Variants in SGSM3 observed in about 807,000 individuals in gnomAD.
SGSM3 encodes small G protein signaling modulator 3, also known as RUN and SH3 containing 3.
In SGSM3, 96 loss-of-function variants were observed where a neutral mutation model predicts 100.5. The observed-to-expected ratio is 0.96, with a 90% confidence interval of 0.81 to 1.13. The LOEUF is 1.13. Ranked by LOEUF, SGSM3 falls within the 50% of genes most tolerant of loss-of-function variation. The pLI is 0.00. For synonymous variants in SGSM3, 483 were observed against 422.8 expected (o/e 1.14, Z -1.75); for missense variants, 1,001 against 1,015.8 (o/e 0.99, Z 0.20).
intron 3 of SGSM3, 115 bp from the exon 4 acceptor site, chr22:40,402,024 C>G: frequency 1.3e-6 from 1 of 786,174 alleles, no homozygotes; most frequent in Non-Finnish European, 2.2e-6. Context: ...AGCCTTTGAT[C>G]TGAGCCCGAA....
At position 40,407,940 on chromosome 22, in the gene SGSM3, A is replaced by C; in HGVS notation, c.1579+97A>C. On this transcript the variant is annotated intron_variant, in intron 14 of 21. Transcript: ENST00000248929. This position sits in a 1 kb window ranked among gnomAD's most constrained non-coding sequence, Gnocchi z 4.7. ...GGCCGCCACCAAGCTGTTCTCCTCT[A>C]TACACCTGCCTGGCTTGAGGTCCCT... The C allele has an allele frequency of 6.9e-7, 1 of 1,457,368 alleles. No individual in the cohort carries two copies. Among genetic ancestry groups the C allele is most frequent in the Non-Finnish European group, 9.4e-7 (1 of 1,059,770 alleles). 90.3% of individuals were successfully genotyped at this position (1,457,368 alleles called of 1,614,324 possible).
chr22:40,396,073 C>A (rs570446238), intron 1 of SGSM3, among the ~76,000 whole-genome samples: 2 of 152,128 alleles, frequency 1.3e-5, no homozygotes, highest in South Asian at 2.1e-4. Context: ...ATATTTTTTC[C>A]TTTTCTAAAA....
At chr22:40,403,141 A>C (rs2050975995) in intron 4 of SGSM3, among the ~76,000 whole-genome samples, 1 of 152,236 alleles carries the variant, frequency 6.6e-6, no homozygotes, top group Non-Finnish European at 1.5e-5. Flanking sequence ...TGGAACTGAG[A>C]CTGCTTGATG....
rs1199124543 is a variant in SGSM3 at position 40,409,377 on chromosome 22, G to T, written c.2111+5G>T. 2 of 1,593,986 alleles carry T rather than the reference G, an allele frequency of 1.3e-6. No individual in the cohort carries two copies. Among genetic ancestry groups the T allele is most frequent in the Non-Finnish European group, 1.7e-6 (2 of 1,168,832 alleles). On this transcript the variant is annotated splice_donor_5th_base_variant and intron_variant, in intron 20 of 21. Transcript: ENST00000248929. ...CCAGATCAAGTGTGAGCTCCGGTGA[G>T]GACCTTACTGGGCTTGGGGGATGGA...
intron 1 of SGSM3, among the ~76,000 whole-genome samples, chr22:40,382,392 T>C (rs907149348): frequency 7.9e-5 from 12 of 152,258 alleles, no homozygotes; most frequent in Admixed American, 7.2e-4. Context: ...TAGGTGGGAC[T>C]GGAGTCATGT....
chr22:40,391,670 G>A (rs771357601), intron 1 of SGSM3, among the ~76,000 whole-genome samples: 1 of 152,168 alleles, frequency 6.6e-6, no homozygotes, highest in Non-Finnish European at 1.5e-5. Flanking sequence ...AGAGTCCAGA[G>A]CTTCCTTTGC....
intron 1 of SGSM3, among the ~76,000 whole-genome samples, chr22:40,383,691 A>G (rs1397804491): frequency 6.6e-6 from 1 of 152,170 alleles, no homozygotes; most frequent in Admixed American, 6.6e-5. Flanking sequence ...CTTAGGGTAC[A>G]TGAAGGGAAA....
chr22:40,375,192 T>G (rs2046346850), intron 1 of SGSM3, among the ~76,000 whole-genome samples: 2 of 152,198 alleles, frequency 1.3e-5, no homozygotes, highest in African/African-American at 4.8e-5. Context: ...TTTGTATTTG[T>G]TTTTCTCTCT....
At chr22:40,381,271 C>A (rs1049062843) in intron 1 of SGSM3, among the ~76,000 whole-genome samples, 1 of 151,992 alleles carries the variant, frequency 6.6e-6, no homozygotes, top group African/African-American at 2.4e-5. Context: ...CCTGAGCCTC[C>A]CAAGTAGCTG....
intron 1 of SGSM3, among the ~76,000 whole-genome samples, chr22:40,389,743 A>G (rs1183960973): frequency 2.0e-5 from 3 of 151,658 alleles, no homozygotes; most frequent in African/African-American, 7.3e-5. Flanking sequence ...CGTCTCTACT[A>G]AAAATACAAA....
chr22:40,409,507 G>A lies in SGSM3; in HGVS notation c.2154G>A (p.Glu718=), dbSNP rs1312239870. The A allele has an allele frequency of 1.9e-6, 3 of 1,595,528 alleles. No individual in the cohort carries two copies. The highest frequency in any genetic ancestry group is 1.1e-5 in the South Asian group (1 of 89,534). The change falls in exon 21 of 22, where the codon GAG becomes GAA. Residue 718 remains glutamate (E), a synonymous_variant. Coordinates refer to ENST00000248929, the MANE Select transcript of SGSM3 (RefSeq NM_015705.6). Reference sequence around the variant, plus strand: ...CCTTCAGCCTCTCCCAGGACTGGGAGCTCCCTGCGAAGAGAGAGGTGGGTG... The same window carrying A: ...CCTTCAGCCTCTCCCAGGACTGGGAACTCCCTGCGAAGAGAGAGGTGGGTG... ...CFAFSLSQDW[E]LPAKREAQQP... is the part of the protein sequence containing the mutation.
intron 2 of SGSM3, among the ~76,000 whole-genome samples, chr22:40,401,076 T>C (rs1349321828): frequency 6.6e-6 from 1 of 152,188 alleles, no homozygotes; most frequent in Non-Finnish European, 1.5e-5. Context: ...GGTCATGTTT[T>C]GTAATGTGCT....
At position 40,408,624 on chromosome 22, in the gene SGSM3, C is replaced by A. The variant is rs2052038769; in HGVS notation, c.1783-3C>A. Reference sequence around the variant, plus strand: ...GCACTCACACCGTGTGCTGTCCCCACAGGCTGCAGGCCGGGAGGTCGAGAG... The same window carrying A: ...GCACTCACACCGTGTGCTGTCCCCAAAGGCTGCAGGCCGGGAGGTCGAGAG... On this transcript the variant is annotated splice_polypyrimidine_tract_variant and splice_region_variant and intron_variant, in intron 16 of 21. Coordinates refer to ENST00000248929, the MANE Select transcript of SGSM3 (RefSeq NM_015705.6). 6.2e-7 allele frequency: 1 copy of A among 1,613,842 alleles called. No homozygotes were observed. Among genetic ancestry groups the A allele is most frequent in the Admixed American group, 1.7e-5 (1 of 60,006 alleles).
chr22:40,392,527 G>A (rs963004119), intron 1 of SGSM3, among the ~76,000 whole-genome samples: 1 of 152,128 alleles, frequency 6.6e-6, no homozygotes, highest in African/African-American at 2.4e-5. Flanking sequence ...AAGGTGGTGA[G>A]TAGTAGCAGC....
At chr22:40,409,424 TG>T (rs757655096) in intron 20 of SGSM3, 40 bp from the exon 21 acceptor site, 3 of 1,567,558 alleles carry the variant, frequency 1.9e-6, no homozygotes, top group African/African-American at 1.4e-5. Context: ...AAGGGCTAGC[TG>T]GGGGTGACAA....
intron 1 of SGSM3, among the ~76,000 whole-genome samples, chr22:40,383,041 C>T (rs1267073672): frequency 1.3e-5 from 2 of 152,108 alleles, no homozygotes; most frequent in African/African-American, 4.8e-5. Flanking sequence ...TTAAATATCT[C>T]ATGAAACAGG....
chr22:40,371,683 T>A (rs2045512757), intron 1 of SGSM3, among the ~76,000 whole-genome samples: 1 of 152,144 alleles, frequency 6.6e-6, no homozygotes. Context: ...TAATTTGTAA[T>A]TCTTCTTTTC....
chr22:40,370,829 G>C (rs1240626984), intron 1 of SGSM3, 141 bp downstream of exon 1: 1 of 152,192 alleles, frequency 6.6e-6, no homozygotes, highest in African/African-American at 2.4e-5. Context: ...GCACCGCCTC[G>C]GGCCGGAGAG....
Position 40,407,838 on chromosome 22 carries a change from T to TGCGAGGTGGGGTCCTTGGTCTGCTC in SGSM3, c.1575_1579+20dup. On this transcript the variant is annotated frameshift_variant, in exon 14 of 22. Coordinates refer to ENST00000248929, the MANE Select transcript of SGSM3 (RefSeq NM_015705.6). LOFTEE classifies it high-confidence loss of function. The surrounding 1 kb of genome is among the most constrained non-coding windows in gnomAD (Gnocchi z 4.7). ...TGCTGGGTGGGGGAGCTCAACGGCC[T>TGCGAGGTGGGGTCCTTGGTCTGCTC]GCGAGGTGGGGTCCTTGGTCTGCTC... 1 of 1,611,448 alleles carries TGCGAGGTGGGGTCCTTGGTCTGCTC rather than the reference T, an allele frequency of 6.2e-7. No individual in the cohort carries two copies. Among genetic ancestry groups the TGCGAGGTGGGGTCCTTGGTCTGCTC allele is most frequent in the Non-Finnish European group, 8.5e-7 (1 of 1,178,596 alleles).
Sources: allele counts gnomAD v4.1 joint callset (sites outside exome capture counted in the v4.1 genomes callset), GRCh38; gene constraint gnomAD v4.1.1; non-coding constraint Gnocchi (gnomAD v3.1); transcripts MANE v1.5; gene names NCBI Gene and HGNC (gene_info 2026-07-23, HGNC 2026-07-21).